Variants in SLC25A15 observed in about 807,000 individuals in gnomAD.
SLC25A15 encodes mitochondrial ornithine transporter 1.
In SLC25A15, 24 loss-of-function variants were observed where a neutral mutation model predicts 32.3. The ratio of observed to expected loss-of-function variants is 0.74; its 90% confidence interval spans 0.54 to 1.04. SLC25A15 has a LOEUF of 1.04. SLC25A15 is among the 50% of genes least tolerant of loss of function. The pLI, the probability that SLC25A15 is intolerant of heterozygous loss-of-function variation, is 0.00. For missense variants in SLC25A15, 317 were observed against 374.5 expected, an observed-to-expected ratio of 0.85 and a Z score of 1.27; for synonymous variants, 132 against 142.1, an observed-to-expected ratio of 0.93 and a Z score of 0.51.
At chr13:40,805,306 G>A in intron 4 of SLC25A15, 51 bp downstream of exon 4, 1 of 1,608,324 alleles carries the variant, frequency 6.2e-7, no homozygotes, top group Non-Finnish European at 8.5e-7. Context: ...CTAGTGTATT[G>A]GATGATTTTT....
intron 1 of SLC25A15, among the ~76,000 whole-genome samples, chr13:40,791,082 GT>G (rs1480242152): frequency 1.3e-5 from 2 of 151,578 alleles, no homozygotes; most frequent in South Asian, 2.1e-4. Context: ...AGTTGCCCCC[GT>G]TTTTTTCTTT....
intron 2 of SLC25A15, among the ~76,000 whole-genome samples, chr13:40,796,712 G>A (rs960596924): frequency 6.6e-6 from 1 of 152,128 alleles, no homozygotes; most frequent in Non-Finnish European, 1.5e-5. Context: ...TGGTCCTGTG[G>A]TGTGAGTCTG....
chr13:40,797,185 G>A (rs892380582), intron 2 of SLC25A15, among the ~76,000 whole-genome samples: 1 of 152,094 alleles, frequency 6.6e-6, no homozygotes, highest in Admixed American at 6.6e-5. Flanking sequence ...TGCAGAGGAC[G>A]GGAGACAGTT....
At chr13:40,797,556 A>G (rs1881706002) in intron 2 of SLC25A15, among the ~76,000 whole-genome samples, 1 of 152,188 alleles carries the variant, frequency 6.6e-6, no homozygotes, top group Non-Finnish European at 1.5e-5. Flanking sequence ...AATTGGGGAT[A>G]ATTTGGCAAT....
rs1240167933 is a variant in SLC25A15, at chr13:40,811,860, A to T, written c.*2193A>T. 2.0e-5 allele frequency among the ~76,000 whole-genome samples: 3 copies of T among 152,210 alleles called. No homozygotes were observed. The highest frequency in any genetic ancestry group is 7.2e-5 in the African/African-American group (3 of 41,450). On this transcript the variant is annotated 3_prime_UTR_variant, in exon 7 of 7. Transcript: ENST00000338625. ...AGGTTCCTTAAGCTTTTTGCTGTCC[A>T]TGAATCCTCTGTGGCAACTGTAATC...
chr13:40,791,661 C>T (rs1199226130), intron 1 of SLC25A15, among the ~76,000 whole-genome samples: 1 of 152,026 alleles, frequency 6.6e-6, no homozygotes, highest in Non-Finnish European at 1.5e-5. Context: ...CTGGCCAGGA[C>T]CCTGATAAAC....
chr13:40,797,869 A>G (rs892555569), intron 2 of SLC25A15, among the ~76,000 whole-genome samples: 17 of 152,226 alleles, frequency 1.1e-4, no homozygotes, highest in African/African-American at 3.4e-4. Context: ...TCTCAGGTCC[A>G]GAAGGAGACG....
chr13:40,804,966 C>T lies in SLC25A15; in HGVS notation c.315-152C>T. 5.8e-6 allele frequency: 5 copies of T among 864,310 alleles called. No homozygotes were observed. The South Asian group carries it at 6.7e-5, about 12-fold the overall frequency. 53.5% of individuals were successfully genotyped at this position (864,310 alleles called of 1,614,324 possible). A position where few individuals can be genotyped will look rare whatever the true frequency, so the allele number is the denominator to read the frequency against. On this transcript the variant is annotated intron_variant, in intron 3 of 6. Transcript: ENST00000338625. ...CTAGAACACATGGGCTCAAGTGATC[C>T]TCCCACCTCAGTCTCCTAAGTAGCT...
intron 1 of SLC25A15, among the ~76,000 whole-genome samples, chr13:40,791,108 G>T (rs145288741): frequency 1.4e-3 from 213 of 151,972 alleles, no homozygotes; most frequent in African/African-American, 5.0e-3. Context: ...AAAATATAGG[G>T]TTGGGTGTTT....
At chr13:40,794,543 G>A (rs950221479) in intron 2 of SLC25A15, among the ~76,000 whole-genome samples, 1 of 152,210 alleles carries the variant, frequency 6.6e-6, no homozygotes, top group Non-Finnish European at 1.5e-5. Flanking sequence ...CTACTCCTTA[G>A]AAAGATCAGC....
intron 6 of SLC25A15, among the ~76,000 whole-genome samples, chr13:40,808,932 C>CAAAAAAAAAAAAA (rs58015661): frequency 2.5e-5 from 2 of 78,854 alleles, no homozygotes; most frequent in Non-Finnish European, 5.0e-5. Context: ...GACTCTGTCT[C>CAAAAAAAAAAAAA]AAAAAAAAAA....
At chr13:40,790,305 G>C (rs1459977826) in intron 1 of SLC25A15, among the ~76,000 whole-genome samples, 2 of 152,236 alleles carry the variant, frequency 1.3e-5, no homozygotes, top group African/African-American at 2.4e-5. Context: ...GTCGAGAAAA[G>C]TGGGTGGTCG....
rs1044512136 is a variant in SLC25A15, at chr13:40,798,792, T to C, written c.56-265T>C. On this transcript the variant is annotated intron_variant, in intron 2 of 6. Transcript: ENST00000338625. ...ACCCTATTGCCCAGGCTCCTACATA[T>C]TCACTGCACTGTTTGCCGCTGTTGA... The C allele has an allele frequency of 6.1e-6, 6 of 985,096 alleles. No homozygotes were observed. In the African/African-American group the frequency reaches 1.1e-4, roughly 17 times the overall value. 61.0% of individuals were successfully genotyped at this position (985,096 alleles called of 1,614,324 possible). A position where few individuals can be genotyped will look rare whatever the true frequency, so the allele number is the denominator to read the frequency against.
Position 40,799,328 on chromosome 13 carries a change from C to T in SLC25A15, c.314+13C>T. 6.2e-7 allele frequency: 1 copy of T among 1,614,024 alleles called. No homozygotes were observed. On this transcript the variant is annotated intron_variant, in intron 3 of 6. Transcript: ENST00000338625. ...AGGCAAAGCTGAGGTGAGTCAAGGA[C>T]ACACACTTTTTTTATTTGTTTAAAA...
chr13:40,808,547 A>C lies in SLC25A15; in HGVS notation c.732A>C (p.Gly244=). The C allele has an allele frequency of 6.2e-7, 1 of 1,611,222 alleles. No homozygotes were observed. Among genetic ancestry groups the C allele is most frequent in the South Asian group, 1.1e-5 (1 of 91,080 alleles). ...GAATTCAAGTTCTTTCCATGTCTGG[A>C]AAACAGGCAGGATTTATCAGAACCT... ...KSRIQVLSMS[G]KQAGFIRTFI... is the part of the protein sequence containing the mutation. Residue 244 remains glycine, a synonymous_variant, in exon 6 of 7, where the codon GGA becomes GGC. Coordinates refer to ENST00000338625, the MANE Select transcript of SLC25A15 (RefSeq NM_014252.4).
chr13:40,800,740 A>G (rs1257492188), intron 3 of SLC25A15, among the ~76,000 whole-genome samples: 1 of 152,194 alleles, frequency 6.6e-6, no homozygotes, highest in East Asian at 1.9e-4. Flanking sequence ...AACAAAGTGA[A>G]GGACAGGTAA....
intron 3 of SLC25A15, among the ~76,000 whole-genome samples, chr13:40,799,884 G>T (rs1370557794): frequency 1.3e-5 from 2 of 152,202 alleles, no homozygotes; most frequent in Non-Finnish European, 2.9e-5. Flanking sequence ...GTTTTAGGAA[G>T]GGTCGGAAAT....
At position 40,811,242 on chromosome 13, in the gene SLC25A15, G is replaced by C. The variant is rs2138061787; in HGVS notation, c.*1575G>C. On this transcript the variant is annotated 3_prime_UTR_variant, in exon 7 of 7. Transcript: ENST00000338625. ...GCAGTGGCTCACGCCTATAATCCCAGCACTTTGGGAGGCTGAGGCGGGCGG... is the reference window on the plus strand; with the variant it reads ...GCAGTGGCTCACGCCTATAATCCCACCACTTTGGGAGGCTGAGGCGGGCGG... 6.6e-6 allele frequency among the ~76,000 whole-genome samples: 1 copy of C among 152,322 alleles called. No individual in the cohort carries two copies. Among genetic ancestry groups the C allele is most frequent in the Middle Eastern group, 3.4e-3 (1 of 294 alleles).
chr13:40,801,762 C>T (rs957568431), intron 3 of SLC25A15, among the ~76,000 whole-genome samples: 1 of 152,208 alleles, frequency 6.6e-6, no homozygotes, highest in Admixed American at 6.5e-5. Flanking sequence ...CAGGGTCTTA[C>T]ATAGCAGGAG....
Sources: gnomAD v4.1 joint callset for allele counts (sites outside exome capture counted in the v4.1 genomes callset) on GRCh38, gnomAD v4.1.1 for gene constraint, MANE v1.5 for transcripts, NCBI Gene and HGNC (gene_info 2026-07-23, HGNC 2026-07-21) for gene names.